PCDH15: variants seen among roughly 807,000 people sequenced by gnomAD.
PCDH15 encodes protocadherin related 15, also known as protocadherin-15.
A neutral mutation model predicts 178.5 loss-of-function variants in PCDH15; 129 were observed. The ratio of observed to expected loss-of-function variants is 0.72; its 90% CI spans 0.63 to 0.84. PCDH15 has a LOEUF of 0.84. PCDH15 is among the 40% of genes least tolerant of loss of function. The pLI, the probability that PCDH15 is intolerant of heterozygous loss-of-function variation, is 0.00. For missense variants in PCDH15, 2,230 were observed against 2,099.9 expected (o/e 1.06, Z -1.21); for synonymous variants, 800 against 732.0 (o/e 1.09, Z -1.50).
intron 5 of PCDH15, among the ~76,000 whole-genome samples, chr10:54,360,674 C>T (rs1036176868): frequency 6.6e-6 from 1 of 151,980 alleles, no homozygotes; most frequent in African/African-American, 2.4e-5. Context: ...GCTTTTTCAG[C>T]CATTGAATTT....
chr10:54,277,761 G>A (rs61858836), intron 8 of PCDH15, among the ~76,000 whole-genome samples: 29,092 of 151,322 alleles, frequency 0.19, 2,914 homozygotes, highest in Admixed American at 0.23. Flanking sequence ...AGAGAAGGGG[G>A]CAAAACACTA....
At chr10:55,227,365 A>C (rs1009581433) in intron 1 of PCDH15, among the ~76,000 whole-genome samples, 2 of 148,740 alleles carry the variant, frequency 1.3e-5, no homozygotes, top group Admixed American at 6.8e-5. Context: ...TCGAAGATCT[A>C]CTCTACCAAG....
intron 18 of PCDH15, among the ~76,000 whole-genome samples, chr10:54,031,271 A>G (rs1479093344): frequency 6.6e-6 from 1 of 151,700 alleles, no homozygotes; most frequent in Non-Finnish European, 1.5e-5. Flanking sequence ...TTTTCCCCCA[A>G]TCCAACTTAA....
At chr10:54,548,540 A>G (rs912633468) in intron 2 of PCDH15, among the ~76,000 whole-genome samples, 1 of 130,646 alleles carries the variant, frequency 7.7e-6, no homozygotes, top group Non-Finnish European at 1.6e-5. Context: ...CTTTATATAT[A>G]TATGTATATG....
intron 14 of PCDH15, among the ~76,000 whole-genome samples, chr10:54,134,767 A>T (rs2042755258): frequency 6.6e-6 from 1 of 151,702 alleles, no homozygotes; most frequent in African/African-American, 2.4e-5. Context: ...AAAGAAAAAA[A>T]AAAAAAAGAA....
chr10:54,274,189 T>C (rs1012245928), intron 8 of PCDH15, among the ~76,000 whole-genome samples: 4 of 151,954 alleles, frequency 2.6e-5, no homozygotes, highest in African/African-American at 4.8e-5. Context: ...TAATGGTTAC[T>C]AGGCTTAATA....
At chr10:55,187,398 C>T (rs534478804) in intron 1 of PCDH15, among the ~76,000 whole-genome samples, 250 of 151,950 alleles carry the variant, frequency 1.6e-3, no homozygotes, top group African/African-American at 5.6e-3. Context: ...GAGTTGTATT[C>T]GAATGTAAAC....
In PCDH15 at chr10:55,480,137, T is replaced by C. The variant is rs565640410; in HGVS notation, c.-156+147488A>G. ...GATTTTCCTGCCTATGATCATGGAA[T>C]GTTTTTTGCTTCTGTTTGTGTCATG... On this transcript the variant is annotated intron_variant, in intron 2 of 5. Coordinates refer to the PCDH15 transcript ENST00000613346. Among the ~76,000 whole-genome samples, 7 of 151,754 alleles carry C rather than the reference T, an allele frequency of 4.6e-5. No individual in the cohort carries two copies. In the East Asian group the frequency reaches 1.2e-3, roughly 25 times the overall value.
intron 2 of PCDH15, among the ~76,000 whole-genome samples, chr10:54,554,570 G>T (rs1239742175): frequency 1.3e-5 from 2 of 152,082 alleles, no homozygotes; most frequent in Non-Finnish European, 2.9e-5. Context: ...TATTTTGGAG[G>T]CTACCCCAAG....
chr10:53,895,640 T>A (rs993177986), intron 26 of PCDH15, among the ~76,000 whole-genome samples: 29 of 152,096 alleles, frequency 1.9e-4, no homozygotes, highest in African/African-American at 6.8e-4. Flanking sequence ...ACATTTAACA[T>A]CTCCCTGTAT....
intron 2 of PCDH15, among the ~76,000 whole-genome samples, chr10:55,363,302 G>T (rs1845273519): frequency 6.6e-6 from 1 of 152,100 alleles, no homozygotes; most frequent in African/African-American, 2.4e-5. Flanking sequence ...GTTAAACACA[G>T]TTTTACCAGT....
rs1035011895 is a variant in PCDH15, at chr10:54,603,756, C to T, written c.91+60416G>A. Among the ~76,000 whole-genome samples the T allele has an allele frequency of 5.3e-5, 8 of 151,902 alleles. No individual in the cohort carries two copies. In the East Asian group the frequency reaches 9.7e-4, roughly 18 times the overall value. ...CAACATGTTGGATTAGCATTTAAGACAGAATTGGTTTAGCCTGTACACTCC... is the reference window on the plus strand; with the variant it reads ...CAACATGTTGGATTAGCATTTAAGATAGAATTGGTTTAGCCTGTACACTCC... On this transcript the variant is annotated intron_variant, in intron 2 of 37. Coordinates refer to ENST00000644397, the MANE Select transcript of PCDH15 (RefSeq NM_001384140.1).
At chr10:54,120,832 A>C (rs986143896) in intron 15 of PCDH15, among the ~76,000 whole-genome samples, 1 of 152,156 alleles carries the variant, frequency 6.6e-6, no homozygotes, top group Non-Finnish European at 1.5e-5. Flanking sequence ...TTAGCCACAC[A>C]ATAACAGTGA....
intron 1 of PCDH15, among the ~76,000 whole-genome samples, chr10:54,777,062 G>T (rs1949789549): frequency 6.6e-6 from 1 of 152,072 alleles, no homozygotes; most frequent in African/African-American, 2.4e-5. Flanking sequence ...ATCAATTTCT[G>T]GTTGATGCGT....
chr10:54,684,815 T>C (rs1018158844), intron 1 of PCDH15, among the ~76,000 whole-genome samples: 7 of 126,168 alleles, frequency 5.5e-5, no homozygotes, highest in African/African-American at 1.7e-4. Context: ...TTTCCTATAG[T>C]AGTGTGTATT....
intron 2 of PCDH15, among the ~76,000 whole-genome samples, chr10:55,435,219 T>C (rs749644467): frequency 6.6e-6 from 1 of 152,208 alleles, no homozygotes; most frequent in Non-Finnish European, 1.5e-5. Flanking sequence ...CATAGATATA[T>C]ACCTATTTGG....
intron 20 of PCDH15, among the ~76,000 whole-genome samples, chr10:54,001,335 G>A (rs569899757): frequency 1.2e-4 from 19 of 152,138 alleles, no homozygotes; most frequent in Admixed American, 1.1e-3. Flanking sequence ...CTTATGTTAA[G>A]TAGAAAGACT....
chr10:55,124,134 A>T (rs1837840850), intron 2 of PCDH15, among the ~76,000 whole-genome samples: 1 of 152,178 alleles, frequency 6.6e-6, no homozygotes, highest in Non-Finnish European at 1.5e-5. Context: ...AAATAATTCC[A>T]AATATGCCAA....
intron 28 of PCDH15, among the ~76,000 whole-genome samples, chr10:53,852,762 A>C (rs1184150846): frequency 6.6e-6 from 1 of 152,142 alleles, no homozygotes; most frequent in Non-Finnish European, 1.5e-5. Context: ...ACCAAAAAAA[A>C]AAATGATCAC....
Sources: allele counts gnomAD v4.1 joint callset (sites outside exome capture counted in the v4.1 genomes callset), GRCh38; gene constraint gnomAD v4.1.1; transcripts MANE v1.5; gene names NCBI Gene and HGNC (gene_info 2026-07-23, HGNC 2026-07-21).